HMCN2: variants seen among roughly 807,000 people sequenced by gnomAD.
HMCN2 encodes the protein hemicentin 2, also known as hemicentin-2.
HMCN2 carries 325 observed loss-of-function variants against 377.5 expected under a neutral mutation model. The observed-to-expected ratio is 0.86, with a 90% CI of 0.79 to 0.94. HMCN2 has a LOEUF of 0.94. Ranked by LOEUF, HMCN2 falls within the 40% of genes least tolerant of loss-of-function variation. The probability of loss-of-function intolerance (pLI) is 0.00; values close to 1 mark genes in which losing one functional copy is unlikely to be tolerated. For synonymous variants in HMCN2, 2,007 were observed against 2,046.8 expected (o/e 0.98, Z 0.53); for missense variants, 4,543 against 4,725.3 (o/e 0.96, Z 1.13).
chr9:130,322,196 A>T (rs1837886796), intron 19 of HMCN2, among the ~76,000 whole-genome samples: 1 of 152,098 alleles, frequency 6.6e-6, no homozygotes, highest in Non-Finnish European at 1.5e-5. Context: ...TATCACACAC[A>T]CCTATGTGTA....
rs181885356 is a variant in HMCN2, at chr9:130,371,083, C to T, written c.7189C>T (p.Arg2397Ter). 16 of 985,814 alleles carry T rather than the reference C, an allele frequency of 1.6e-5. No homozygotes were observed. The highest frequency in any genetic ancestry group is 1.1e-4 in the East Asian group (1 of 8,822). 61.1% of individuals were successfully genotyped at this position (985,814 alleles called of 1,614,324 possible). The stretch of plus-strand genomic sequence containing the variant: ...CCCACCTCCAGCCATCCGCTGGTTC[C>T]GAGGGGAGGAGCCTGTCAGCCCCGG... ...GIPPPAIRWFRGEEPVSPGED... is the reference protein window; with the variant it reads ...GIPPPAIRWF Residue 2397 changes from arginine (R) to a stop codon, truncating the protein, a stop_gained, in exon 46 of 98, where the codon CGA (arginine) becomes TGA (stop). Coordinates refer to ENST00000683500, the MANE Select transcript of HMCN2 (RefSeq NM_001291815.2). LOFTEE classifies it high-confidence loss of function.
At position 130,398,682 on chromosome 9, in the gene HMCN2, T is replaced by G; in HGVS notation, c.11458T>G (p.Phe3820Val). 1 of 1,289,532 alleles carries G rather than the reference T, an allele frequency of 7.8e-7. No individual in the cohort carries two copies. Among genetic ancestry groups the G allele is most frequent in the Non-Finnish European group, 1.0e-6 (1 of 988,648 alleles). 79.9% of individuals were successfully genotyped at this position (1,289,532 alleles called of 1,614,324 possible). The change falls in exon 75 of 98, where the codon TTC (phenylalanine) becomes GTC (valine). Residue 3820 changes from phenylalanine (F) to valine (V), a missense_variant. Phe to Val is a conservative substitution (Grantham distance 50). This residue lies in a region of HMCN2 where 1,073 missense variants were observed against 1,319.5 expected (regional missense o/e 0.81). Transcript: ENST00000683500. ...VWWKDGQKLDFRLQQGAYRLL... is the reference protein window; with the variant it reads ...VWWKDGQKLDVRLQQGAYRLL... ...GTGGAAGGACGGACAGAAGCTGGAC[T>G]TCCGCCTGCAGCAGGGCGCCTACCG... is the stretch of plus-strand genomic sequence containing the variant.
chr9:130,307,459 C>A lies in HMCN2; in HGVS notation c.2093C>A (p.Pro698Gln), dbSNP rs782308513. Residue 698 changes from proline to glutamine, a missense_variant, in exon 14 of 98, where the codon CCG becomes CAG. Physicochemically the swap from Pro to Gln is moderately conservative, Grantham distance 76. This residue lies in a region of HMCN2 where 547 missense variants were observed against 189.9 expected (regional missense o/e 2.88). Coordinates refer to ENST00000683500, the MANE Select transcript of HMCN2 (RefSeq NM_001291815.2). Reference protein sequence around the residue: ...ETVTLYYTDPPSVSAVNAVVL... With the variant: ...ETVTLYYTDPQSVSAVNAVVL... ...GCATCTCTTCCCCACACAGACCCAC[C>A]GTCGGTCTCTGCTGTAAATGCCGTG... 1 of 471,026 alleles carries A rather than the reference C, an allele frequency of 2.1e-6. No individual in the cohort carries two copies. The highest frequency in any genetic ancestry group is 4.4e-6 in the Non-Finnish European group (1 of 227,050). The allele number at this position is 471,026 out of a possible 1,614,324, so 29.2% of individuals were successfully genotyped here.
chr9:130,333,674 T>C, intron 22 of HMCN2, among the ~76,000 whole-genome samples: 1 of 152,234 alleles, frequency 6.6e-6, no homozygotes, highest in East Asian at 1.9e-4. Flanking sequence ...CTCCCATCTC[T>C]CCGCTGCCGC....
In HMCN2 at chr9:130,303,148, T is replaced by G. The variant is rs1836613067; in HGVS notation, c.1421+147T>G. 3.3e-6 allele frequency: 1 copy of G among 305,752 alleles called. No individual in the cohort carries two copies. The highest frequency in any genetic ancestry group is 6.7e-6 in the Non-Finnish European group (1 of 149,658). 18.9% of individuals were successfully genotyped at this position (305,752 alleles called of 1,614,324 possible). A position where few individuals can be genotyped will look rare whatever the true frequency, so the allele number is the denominator to read the frequency against. ...GGGCAGCCCAGCCTGGGACTTCCAG[T>G]GCAGCCAGGGATGGAGAGGAGTTTT... On this transcript the variant is annotated intron_variant, in intron 9 of 97. Coordinates refer to ENST00000683500, the MANE Select transcript of HMCN2 (RefSeq NM_001291815.2). This position sits in a 1 kb window ranked among gnomAD's most constrained non-coding sequence, Gnocchi z 5.2.
chr9:130,390,564 T>G (rs1183957506), intron 62 of HMCN2, among the ~76,000 whole-genome samples: 1 of 150,890 alleles, frequency 6.6e-6, no homozygotes, highest in Non-Finnish European at 1.5e-5. Flanking sequence ...AGGCCGGGAG[T>G]GGGAGGAGCC....
At chr9:130,378,791 T>G (rs1841538059) in intron 53 of HMCN2, among the ~76,000 whole-genome samples, 1 of 152,178 alleles carries the variant, frequency 6.6e-6, no homozygotes, top group East Asian at 1.9e-4. Flanking sequence ...GAACTGGTTA[T>G]GTTACCTGGG....
At chr9:130,410,491 C>T in intron 84 of HMCN2, 80 bp from the exon 85 acceptor site, 3 of 1,347,224 alleles carry the variant, frequency 2.2e-6, no homozygotes, top group African/African-American at 1.4e-5. Flanking sequence ...GGCTGGCTGC[C>T]CTCAGTCCCC....
chr9:130,322,122 A>G (rs1271688430), intron 19 of HMCN2, among the ~76,000 whole-genome samples, 191 bp downstream of exon 19: 1 of 152,188 alleles, frequency 6.6e-6, no homozygotes, highest in African/African-American at 2.4e-5. Flanking sequence ...AGCTAAGAAT[A>G]ACCAGATTTT....
rs188299313 is a variant in HMCN2 at position 130,387,737 on chromosome 9, G to A, written c.9392-672G>A. 5.9e-5 allele frequency among the ~76,000 whole-genome samples: 9 copies of A among 152,264 alleles called. No individual in the cohort carries two copies. The East Asian group carries it at 9.7e-4, about 16-fold the overall frequency. ...CCAGTAGCCTCCCAACCAGGTGAGC[G>A]GTGGGCACATGCAACCCTGAGCCAT... On this transcript the variant is annotated intron_variant, in intron 61 of 97. Coordinates refer to ENST00000683500, the MANE Select transcript of HMCN2 (RefSeq NM_001291815.2).
chr9:130,364,127 G>C (rs185401318), intron 40 of HMCN2, among the ~76,000 whole-genome samples: 1 of 152,328 alleles, frequency 6.6e-6, no homozygotes, highest in East Asian at 1.9e-4. Context: ...GTATGCCCAA[G>C]AGCCCCACCT....
chr9:130,400,556 C>A (rs554223053), intron 76 of HMCN2: 21 of 242,680 alleles, frequency 8.7e-5, no homozygotes, highest in Middle Eastern at 3.1e-3. Context: ...CATACTGAGA[C>A]CCCATCTCTG....
rs377038141 is a variant in HMCN2 at position 130,418,973 on chromosome 9, G to A, written c.13163G>A (p.Gly4388Asp). 1 of 1,525,758 alleles carries A rather than the reference G, an allele frequency of 6.6e-7. No homozygotes were observed. The highest frequency in any genetic ancestry group is 8.8e-7 in the Non-Finnish European group (1 of 1,133,668). 94.5% of individuals were successfully genotyped at this position (1,525,758 alleles called of 1,614,324 possible). A position where few individuals can be genotyped will look rare whatever the true frequency, so the allele number is the denominator to read the frequency against. Reference protein sequence around the residue: ...WLENVETGDAGTYDCVAHNLL... With the variant: ...WLENVETGDADTYDCVAHNLL... ...GAGAACGTGGAGACTGGGGATGCAG[G>A]CACCTACGACTGCGTCGCTCACAAC... The change falls in exon 86 of 98, where the codon GGC becomes GAC. Residue 4388 changes from glycine (G) to aspartate (D), a missense_variant. Gly to Asp is a moderately conservative substitution (Grantham distance 94). Coordinates refer to ENST00000683500, the MANE Select transcript of HMCN2 (RefSeq NM_001291815.2).
Position 130,418,884 on chromosome 9 carries a change from G to A in HMCN2, c.13074G>A (p.Gln4358=). Residue 4358 remains glutamine (Q), a synonymous_variant, in exon 86 of 98, where the codon CAG becomes CAA. Transcript: ENST00000683500. ...GEPTPTIEWL[Q]AGQPLRASRR... is the part of the protein sequence containing the mutation. Reference sequence around the variant, plus strand: ...CCACACCCACCATTGAATGGCTACAGGCGGGTCAACCCTTGCGGGCCAGCC... The same window carrying A: ...CCACACCCACCATTGAATGGCTACAAGCGGGTCAACCCTTGCGGGCCAGCC... 1.3e-6 allele frequency: 2 copies of A among 1,549,976 alleles called. No individual in the cohort carries two copies. The highest frequency in any genetic ancestry group is 1.7e-6 in the Non-Finnish European group (2 of 1,146,596).
intron 90 of HMCN2, among the ~76,000 whole-genome samples, 171 bp from the exon 91 acceptor site, chr9:130,427,142 C>A (rs753502006): frequency 2.6e-4 from 40 of 152,236 alleles, no homozygotes; most frequent in Non-Finnish European, 5.1e-4. Flanking sequence ...GCCCTGCAGT[C>A]ATCGCCTCCA....
intron 40 of HMCN2, among the ~76,000 whole-genome samples, chr9:130,364,172 A>C (rs1588315633): frequency 6.6e-6 from 1 of 152,172 alleles, no homozygotes; most frequent in East Asian, 1.9e-4. Context: ...CGGCCCCATC[A>C]GGTGGGGATT....
chr9:130,330,300 A>G (rs1471584373), intron 22 of HMCN2, among the ~76,000 whole-genome samples: 1 of 152,058 alleles, frequency 6.6e-6, no homozygotes, highest in African/African-American at 2.4e-5. Flanking sequence ...TCTGTGGGGA[A>G]TTCTGCGGTG....
At chr9:130,348,120 C>G (rs372049116) in intron 26 of HMCN2, 2 of 828,216 alleles carry the variant, frequency 2.4e-6, no homozygotes, top group African/African-American at 3.7e-5. Flanking sequence ...CTAACGCCAC[C>G]TGCTGCTTCC....
chr9:130,316,913 A>G (rs1411345824), intron 15 of HMCN2, among the ~76,000 whole-genome samples: 1 of 152,176 alleles, frequency 6.6e-6, no homozygotes, highest in Non-Finnish European at 1.5e-5. Flanking sequence ...AATGAGGGGC[A>G]GACCAGAGGG....
Sources: allele counts gnomAD v4.1 joint callset (sites outside exome capture counted in the v4.1 genomes callset), GRCh38; gene constraint gnomAD v4.1.1; regional missense constraint gnomAD v4.1.1; non-coding constraint Gnocchi (gnomAD v3.1); transcripts MANE v1.5; gene names NCBI Gene and HGNC (gene_info 2026-07-23, HGNC 2026-07-21).